The following NCOR2 variants were observed in gnomAD, a reference collection of about 807,000 sequenced individuals.
The protein encoded by NCOR2 is CTG repeat protein 26.
A neutral mutation model predicts 262.9 loss-of-function variants in NCOR2; 81 were observed. That is an observed-to-expected ratio of 0.31 (90% CI 0.26 to 0.37). The LOEUF is 0.37. NCOR2 is among the 10% of genes least tolerant of loss of function. The pLI is 1.00. For missense variants in NCOR2, 3,385 were observed against 3,621.4 expected (o/e 0.93, Z 1.68); for synonymous variants, 1,659 against 1,559.3 (o/e 1.06, Z -1.51).
intron 1 of NCOR2, among the ~76,000 whole-genome samples, chr12:124,501,657 A>G (rs937863702): frequency 2.6e-5 from 4 of 152,098 alleles, no homozygotes; most frequent in Non-Finnish European, 4.4e-5. Flanking sequence ...TTCTAAGGGC[A>G]CCCGTCATAT....
chr12:124,461,464 C>A (rs1030379196), intron 5 of NCOR2, among the ~76,000 whole-genome samples: 3 of 152,238 alleles, frequency 2.0e-5, no homozygotes, highest in African/African-American at 7.2e-5. Flanking sequence ...CGTGGCCAGG[C>A]CTCCCATGCC....
At chr12:124,328,779 G>A (rs2034918448) in intron 44 of NCOR2, 2 of 200,636 alleles carry the variant, frequency 1.0e-5, no homozygotes, top group Admixed American at 5.9e-5. Flanking sequence ...CCAAACCGAG[G>A]CTTCCATGAG....
chr12:124,428,075 G>GTGTGTGTA (rs1204767012), intron 10 of NCOR2, among the ~76,000 whole-genome samples: 1 of 145,594 alleles, frequency 6.9e-6, no homozygotes, highest in African/African-American at 2.5e-5. Flanking sequence ...GTGTGTGTGT[G>GTGTGTGTA]TGTGTGTGTG....
exon 20 of NCOR2, chr12:124,372,405 G>A (rs764867737): frequency 3.3e-6 from 5 of 1,502,772 alleles, no homozygotes; most frequent in East Asian, 2.3e-5. Flanking sequence ...GTGCTGGTGG[G>A]GGCGTAGGGG....
intron 22 of NCOR2, among the ~76,000 whole-genome samples, chr12:124,359,876 T>C (rs1357578501): frequency 1.3e-5 from 2 of 152,220 alleles, no homozygotes; most frequent in African/African-American, 2.4e-5. Flanking sequence ...GAGGTAGCGC[T>C]GGGTGTCAAG....
At chr12:124,564,483 A>AAC (rs971530229) in intron 1 of NCOR2, among the ~76,000 whole-genome samples, 4 of 152,070 alleles carry the variant, frequency 2.6e-5, no homozygotes, top group Middle Eastern at 3.4e-3. Context: ...GGGAAGGGAA[A>AAC]ACACACACAC....
intron 22 of NCOR2, among the ~76,000 whole-genome samples, chr12:124,358,705 A>C (rs992148402): frequency 5.3e-5 from 8 of 152,262 alleles, no homozygotes; most frequent in South Asian, 2.1e-4. Flanking sequence ...AGCCAGTGCA[A>C]GCAGCGGTTG....
At chr12:124,460,047 C>T (rs748430173) in intron 5 of NCOR2, among the ~76,000 whole-genome samples, 22 of 152,236 alleles carry the variant, frequency 1.4e-4, no homozygotes, top group Non-Finnish European at 2.9e-4. Flanking sequence ...CCTGACCCCC[C>T]GCAGCAGGGC....
chr12:124,352,023 C>A (rs969756586), intron 27 of NCOR2, among the ~76,000 whole-genome samples: 17 of 152,170 alleles, frequency 1.1e-4, no homozygotes, highest in Non-Finnish European at 1.0e-4. Flanking sequence ...CAGCAAGACG[C>A]CCTGAATTCT....
intron 13 of NCOR2, among the ~76,000 whole-genome samples, chr12:124,405,966 C>T (rs1217353294): frequency 6.6e-6 from 1 of 152,178 alleles, no homozygotes; most frequent in Non-Finnish European, 1.5e-5. Flanking sequence ...GTGGGGAGCC[C>T]TGCGAAGTCC....
At chr12:124,470,538 G>C (rs1006119084) in intron 4 of NCOR2, among the ~76,000 whole-genome samples, 11 of 152,232 alleles carry the variant, frequency 7.2e-5, no homozygotes, top group African/African-American at 2.7e-4. Flanking sequence ...GGAGACAAGA[G>C]ACAACATGAT....
chr12:124,530,947 G>A (rs1361186269), intron 1 of NCOR2, among the ~76,000 whole-genome samples: 5 of 152,184 alleles, frequency 3.3e-5, no homozygotes. Flanking sequence ...CACCCCACCA[G>A]ACAAGGCTCT....
chr12:124,536,999 G>A (rs554782936), upstream of NCOR2, among the ~76,000 whole-genome samples: 17 of 152,318 alleles, frequency 1.1e-4, 1 homozygote, highest in South Asian at 3.5e-3. Context: ...CCACAGGGAG[G>A]AATCTGAGAC....
intron 45 of NCOR2, 62 bp from the exon 48 acceptor site, chr12:124,326,432 G>C (rs2034646175): frequency 7.2e-7 from 1 of 1,394,100 alleles, no homozygotes. Context: ...CGACGCTACG[G>C]TGGGGCCACA....
chr12:124,428,035 CATGTGGCCAGTGTGTGT>C (rs2043658157), intron 10 of NCOR2, among the ~76,000 whole-genome samples: 1 of 71,738 alleles, frequency 1.4e-5, no homozygotes, highest in African/African-American at 3.3e-5. Flanking sequence ...ACTGCATTCC[CATGTGGCCAGTGTGTGT>C]GTGTGTGTGT....
intron 14 of NCOR2, 131 bp from the exon 17 acceptor site, chr12:124,400,804 G>C (rs369020544): frequency 5.3e-5 from 62 of 1,177,934 alleles, no homozygotes; most frequent in Non-Finnish European, 7.3e-5. Context: ...CGCTAGGAAA[G>C]AGGGGGAGAG....
intron 46 of NCOR2, among the ~76,000 whole-genome samples, chr12:124,325,972 C>T (rs2034600983): frequency 6.6e-6 from 1 of 152,184 alleles, no homozygotes; most frequent in African/African-American, 2.4e-5. Flanking sequence ...TGGCCGGCCC[C>T]AACCACACCC....
chr12:124,368,615 G>A (rs888456801), intron 20 of NCOR2, among the ~76,000 whole-genome samples: 1 of 152,188 alleles, frequency 6.6e-6, no homozygotes, highest in East Asian at 1.9e-4. Flanking sequence ...CTGGACATAC[G>A]CTCATGCGGC....
At chr12:124,361,275 C>CA (rs1332854575) in intron 22 of NCOR2, among the ~76,000 whole-genome samples, 1 of 152,182 alleles carries the variant, frequency 6.6e-6, no homozygotes, top group Non-Finnish European at 1.5e-5. Flanking sequence ...ACCTTTGGAG[C>CA]AGCCTGCCAG....
Sources: gnomAD v4.1 joint callset for allele counts (sites outside exome capture counted in the v4.1 genomes callset) on GRCh38, gnomAD v4.1.1 for gene constraint, MANE v1.5 for transcripts, NCBI Gene and HGNC (gene_info 2026-07-23, HGNC 2026-07-21) for gene names.